The following PRKACB variants were observed in gnomAD, a reference collection of about 807,000 sequenced individuals.
PRKACB encodes the protein cAMP-dependent protein kinase catalytic subunit beta.
A neutral mutation model predicts 51.4 loss-of-function variants in PRKACB; 16 were observed. That is an observed-to-expected ratio of 0.31 (90% CI 0.21 to 0.47). PRKACB has a LOEUF of 0.47. PRKACB is among the 20% of genes least tolerant of loss of function. The pLI is 1.00. For synonymous variants in PRKACB, 147 were observed against 154.4 expected, an observed-to-expected ratio of 0.95 and a Z score of 0.35; for missense variants, 309 against 464.5, an observed-to-expected ratio of 0.67 and a Z score of 3.08.
intron 1 of PRKACB, among the ~76,000 whole-genome samples, chr1:84,098,038 G>C (rs373953782): frequency 1.1e-3 from 166 of 152,090 alleles, no homozygotes; most frequent in African/African-American, 3.9e-3. Context: ...ACCATAGTGG[G>C]TGTATATCAG....
intron 1 of PRKACB, chr1:84,164,301 C>A (rs927219561): frequency 6.6e-7 from 1 of 1,515,334 alleles, no homozygotes; most frequent in Non-Finnish European, 8.9e-7. Flanking sequence ...TCACTAGCAA[C>A]AGCACACAGC....
rs377001843 is a variant in PRKACB, at chr1:84,131,226, G to A, written c.47-47951G>A. On this transcript the variant is annotated intron_variant, in intron 1 of 8. Coordinates refer to the PRKACB transcript ENST00000370688. ...TACAAAATTAGGTAGTCGTGGTGGC[G>A]CGTGCCTGAAATCCCAGCTACTCAG... Among the ~76,000 whole-genome samples the A allele has an allele frequency of 6.6e-4, 101 of 151,996 alleles. 1 individual carries two copies. The South Asian group carries it at 0.017, about 25-fold the overall frequency.
intron 1 of PRKACB, among the ~76,000 whole-genome samples, chr1:84,122,009 A>G (rs1442617900): frequency 1.3e-5 from 2 of 152,144 alleles, no homozygotes; most frequent in South Asian, 2.1e-4. Context: ...TCCCCCCAAA[A>G]CAGTCCCTAA....
chr1:84,219,948 A>G (rs757126124), intron 9 of PRKACB, among the ~76,000 whole-genome samples: 20 of 151,998 alleles, frequency 1.3e-4, no homozygotes, highest in Non-Finnish European at 2.4e-4. Flanking sequence ...TTGTGGTTCC[A>G]TACAAATTTT....
chr1:84,078,361 G>C, exon 1 of PRKACB: 4 of 1,612,168 alleles, frequency 2.5e-6, no homozygotes, highest in Non-Finnish European at 3.4e-6. Context: ...AAGGCAGCGA[G>C]GTGGAGAGCG....
upstream of PRKACB, among the ~76,000 whole-genome samples, chr1:84,140,617 A>G (rs999065354): frequency 6.6e-6 from 1 of 152,268 alleles, no homozygotes; most frequent in Non-Finnish European, 1.5e-5. Context: ...GATTGTAAGA[A>G]ACATGGACAA....
chr1:84,151,930 T>C (rs375187559), intron 1 of PRKACB, among the ~76,000 whole-genome samples: 97 of 152,344 alleles, frequency 6.4e-4, no homozygotes, highest in African/African-American at 2.2e-3. Flanking sequence ...AATCACAATG[T>C]TCTTACGGCA....
intron 1 of PRKACB, among the ~76,000 whole-genome samples, chr1:84,117,094 T>TG (rs1374616265): frequency 6.6e-5 from 10 of 152,124 alleles, no homozygotes; most frequent in Non-Finnish European, 1.5e-4. Flanking sequence ...TTTCTGTTGA[T>TG]GTGGTGCATC....
At chr1:84,093,556 A>G (rs1419128600) in intron 1 of PRKACB, among the ~76,000 whole-genome samples, 1 of 152,020 alleles carries the variant, frequency 6.6e-6, no homozygotes, top group Non-Finnish European at 1.5e-5. Context: ...TATAAATCCT[A>G]AAACTTCATA....
intron 1 of PRKACB, among the ~76,000 whole-genome samples, chr1:84,111,757 ACAAAGAAACAC>A (rs1650248063): frequency 6.6e-6 from 1 of 152,148 alleles, no homozygotes; most frequent in African/African-American, 2.4e-5. Flanking sequence ...GCCATAGAAG[ACAAAGAAACAC>A]CGTAGAAATT....
At chr1:84,102,593 T>C (rs973897763) in intron 1 of PRKACB, among the ~76,000 whole-genome samples, 4 of 152,096 alleles carry the variant, frequency 2.6e-5, no homozygotes, top group Admixed American at 6.5e-5. Flanking sequence ...AATTTGATAA[T>C]ATGAGAAACC....
At chr1:84,114,075 G>A (rs1265846595) in intron 1 of PRKACB, among the ~76,000 whole-genome samples, 1 of 152,024 alleles carries the variant, frequency 6.6e-6, no homozygotes, top group Non-Finnish European at 1.5e-5. Context: ...AACACTTGTA[G>A]GAAGGATAGC....
chr1:84,189,115 C>T (rs1284110262), intron 5 of PRKACB, among the ~76,000 whole-genome samples: 1 of 151,714 alleles, frequency 6.6e-6, no homozygotes, highest in Non-Finnish European at 1.5e-5. Context: ...CTGCAGTATG[C>T]TCATTATTTC....
intron 1 of PRKACB, among the ~76,000 whole-genome samples, chr1:84,171,109 A>G (rs1659323464): frequency 6.6e-6 from 1 of 151,606 alleles, no homozygotes; most frequent in South Asian, 2.1e-4. Context: ...CATTTTAAAT[A>G]ACTTACCAAA....
chr1:84,078,098 T>TCGC (rs555766497), upstream of PRKACB: 2,001 of 419,666 alleles, frequency 4.8e-3, 25 homozygotes, highest in African/African-American at 0.027. Flanking sequence ...GCCACCGCCG[T>TCGC]CGCCGCCGCC....
chr1:84,083,242 T>G (rs1647688484), intron 1 of PRKACB, among the ~76,000 whole-genome samples: 2 of 152,300 alleles, frequency 1.3e-5, no homozygotes, highest in South Asian at 2.1e-4. Context: ...GGGGAAGTCT[T>G]TCTTGGGTGT....
intron 1 of PRKACB, among the ~76,000 whole-genome samples, chr1:84,083,470 C>G (rs1350384030): frequency 6.6e-6 from 1 of 152,092 alleles, no homozygotes; most frequent in Admixed American, 6.5e-5. Flanking sequence ...TTGCCAGCAG[C>G]AGGATAATTA....
At chr1:84,226,939 G>C (rs1674710717) in intron 9 of PRKACB, among the ~76,000 whole-genome samples, 1 of 152,106 alleles carries the variant, frequency 6.6e-6, no homozygotes, top group African/African-American at 2.4e-5. Flanking sequence ...CTAATACACT[G>C]TATTTTATCT....
intron 9 of PRKACB, among the ~76,000 whole-genome samples, chr1:84,234,330 G>A (rs11163920): frequency 6.6e-6 from 1 of 152,044 alleles, no homozygotes. Context: ...TGTCAGACAG[G>A]GACATTTAAG....
Sources: allele counts gnomAD v4.1 joint callset (sites outside exome capture counted in the v4.1 genomes callset), GRCh38; gene constraint gnomAD v4.1.1; transcripts MANE v1.5; gene names NCBI Gene and HGNC (gene_info 2026-07-23, HGNC 2026-07-21).